Variants in TMEM132D observed in about 807,000 individuals in gnomAD.
The protein encoded by TMEM132D is mature OL transmembrane protein.
TMEM132D carries 21 observed loss-of-function variants against 62.3 expected under a neutral mutation model. The ratio of observed to expected loss-of-function variants is 0.34; its 90% CI spans 0.24 to 0.49. The LOEUF (loss-of-function observed/expected upper bound fraction) is 0.49. Among genes scored for constraint, TMEM132D ranks in the 20% least tolerant of loss-of-function variants. The probability of loss-of-function intolerance (pLI) is 0.99; values close to 1 mark genes in which losing one functional copy is unlikely to be tolerated. For missense variants in TMEM132D, 1,346 were observed against 1,402.8 expected (o/e 0.96, Z 0.65); for synonymous variants, 621 against 575.6 (o/e 1.08, Z -1.13).
At chr12:129,216,882 T>C (rs535700851) in intron 4 of TMEM132D, among the ~76,000 whole-genome samples, 7 of 152,226 alleles carry the variant, frequency 4.6e-5, no homozygotes, top group Non-Finnish European at 7.3e-5. Context: ...TCTTAACTGA[T>C]GCAACCTGAA....
At chr12:129,588,343 G>A (rs963017361) in intron 2 of TMEM132D, among the ~76,000 whole-genome samples, 23 of 152,174 alleles carry the variant, frequency 1.5e-4, no homozygotes, top group East Asian at 3.9e-4. Flanking sequence ...CTTGTGCTCC[G>A]GAATCACTCA....
chr12:129,074,281 A>G lies in TMEM132D; in HGVS notation c.2894T>C (p.Val965Ala), dbSNP rs759667527. 4 of 1,614,090 alleles carry G rather than the reference A, an allele frequency of 2.5e-6. No individual in the cohort carries two copies. Among genetic ancestry groups the G allele is most frequent in the East Asian group, 2.2e-5 (1 of 44,878 alleles). ...QEGMSHSHDW[V>A]GLSNRTELLE... Reference sequence around the variant, plus strand: ...CAGCTCTGTCCGGTTGCTTAACCCAACCCAGTCATGAGAGTGACTCATCCC... The same window carrying G: ...CAGCTCTGTCCGGTTGCTTAACCCAGCCCAGTCATGAGAGTGACTCATCCC... Residue 965 changes from valine to alanine, a missense_variant, in exon 9 of 9, where the codon GTT (valine) becomes GCT (alanine). Coordinates refer to ENST00000422113, the MANE Select transcript of TMEM132D (RefSeq NM_133448.3).
At chr12:129,815,170 TA>T (rs1872308143) in intron 1 of TMEM132D, among the ~76,000 whole-genome samples, 2 of 152,162 alleles carry the variant, frequency 1.3e-5, no homozygotes, top group South Asian at 4.1e-4. Flanking sequence ...GGGCATTTGT[TA>T]AGTCAAGGTT....
At chr12:129,358,159 T>C (rs748000655) in intron 3 of TMEM132D, among the ~76,000 whole-genome samples, 7 of 152,304 alleles carry the variant, frequency 4.6e-5, no homozygotes, top group Middle Eastern at 3.4e-3. Flanking sequence ...ACCAGAGTCA[T>C]TCTGGAAAAA....
chr12:129,438,977 T>C (rs1046904468), intron 3 of TMEM132D, among the ~76,000 whole-genome samples: 4 of 152,236 alleles, frequency 2.6e-5, no homozygotes, highest in Non-Finnish European at 5.9e-5. Context: ...CAGGATCACT[T>C]TGGCCATCTC....
At chr12:129,364,511 G>A (rs12304268) in intron 3 of TMEM132D, among the ~76,000 whole-genome samples, 6 of 152,094 alleles carry the variant, frequency 3.9e-5, no homozygotes, top group East Asian at 1.9e-4. Context: ...GACGTATAGC[G>A]TAATTTTGTA....
In TMEM132D at chr12:129,078,740, C is replaced by G. The variant is rs200432448; in HGVS notation, c.1924-15G>C. 1 of 1,608,486 alleles carries G rather than the reference C, an allele frequency of 6.2e-7. No homozygotes were observed. The highest frequency in any genetic ancestry group is 1.3e-5 in the African/African-American group (1 of 74,904). On this transcript the variant is annotated splice_polypyrimidine_tract_variant and intron_variant, in intron 7 of 8. Coordinates refer to ENST00000422113, the MANE Select transcript of TMEM132D (RefSeq NM_133448.3). ...GGAGACAGGATCTGGAGGGCAGAAG[C>G]GACATGACAAGGAAAGGCTTTCTGT...
intron 1 of TMEM132D, among the ~76,000 whole-genome samples, chr12:129,775,589 T>C (rs953984983): frequency 2.0e-5 from 3 of 152,020 alleles, no homozygotes; most frequent in African/African-American, 7.3e-5. Context: ...AACAAAGGGA[T>C]GGAAGCATCC....
At chr12:129,878,222 C>T (rs565386910) in intron 1 of TMEM132D, among the ~76,000 whole-genome samples, 15 of 152,346 alleles carry the variant, frequency 9.8e-5, no homozygotes, top group African/African-American at 3.6e-4. Flanking sequence ...CCTTAAGCTA[C>T]TCGGGCTCAA....
chr12:129,290,411 T>C (rs559541582), intron 4 of TMEM132D, among the ~76,000 whole-genome samples: 1 of 152,154 alleles, frequency 6.6e-6, no homozygotes, highest in Non-Finnish European at 1.5e-5. Context: ...CCTACACTAT[T>C]CTAATTAACA....
chr12:129,092,380 GA>G (rs1397812586), intron 5 of TMEM132D, among the ~76,000 whole-genome samples: 1 of 146,068 alleles, frequency 6.8e-6, no homozygotes, highest in Non-Finnish European at 1.5e-5. Flanking sequence ...AAACTTTGCA[GA>G]AGTAGACATC....
intron 1 of TMEM132D, among the ~76,000 whole-genome samples, chr12:129,753,115 C>A (rs1474662760): frequency 6.6e-6 from 1 of 152,192 alleles, no homozygotes; most frequent in Non-Finnish European, 1.5e-5. Flanking sequence ...CATTATCTCT[C>A]ACAAAGCTGC....
chr12:129,294,858 G>C (rs1881529421), intron 4 of TMEM132D, among the ~76,000 whole-genome samples: 1 of 152,182 alleles, frequency 6.6e-6, no homozygotes, highest in Non-Finnish European at 1.5e-5. Context: ...TCCTATGACT[G>C]TGTACTGTTT....
At chr12:129,376,914 G>A (rs1381759128) in intron 3 of TMEM132D, among the ~76,000 whole-genome samples, 1 of 152,136 alleles carries the variant, frequency 6.6e-6, no homozygotes, top group Non-Finnish European at 1.5e-5. Flanking sequence ...GAACAAATAA[G>A]GCAAGTATAC....
In TMEM132D at chr12:129,244,248, T is replaced by C. The variant is rs560434664; in HGVS notation, c.1300-34585A>G. ...AAAATACAAAAAAATTAGCCGGGTG[T>C]GGTGGCGGGCGCCTGTAGTCCCAGC... is the stretch of plus-strand genomic sequence containing the variant. On this transcript the variant is annotated intron_variant, in intron 4 of 8. Transcript: ENST00000422113. 1.1e-3 allele frequency among the ~76,000 whole-genome samples: 166 copies of C among 151,220 alleles called. 1 individual carries two copies. Among genetic ancestry groups the C allele is most frequent in the Middle Eastern group, 3.4e-3 (1 of 294 alleles).
At chr12:129,240,318 T>C (rs1052331273) in intron 4 of TMEM132D, among the ~76,000 whole-genome samples, 5 of 152,226 alleles carry the variant, frequency 3.3e-5, no homozygotes, top group Admixed American at 2.0e-4. Flanking sequence ...TATAAGTTTG[T>C]TCAATGATAG....
At chr12:129,755,028 C>T (rs757466566) in intron 1 of TMEM132D, among the ~76,000 whole-genome samples, 8 of 152,254 alleles carry the variant, frequency 5.3e-5, no homozygotes, top group Middle Eastern at 3.4e-3. Context: ...AACTCCTGTC[C>T]TTTCAATGTT....
chr12:129,890,355 C>T (rs1021759), intron 1 of TMEM132D, among the ~76,000 whole-genome samples: 102,755 of 151,950 alleles, frequency 0.68, 34,967 homozygotes, highest in Middle Eastern at 0.73. Context: ...CCGGGCCCTA[C>T]ACCATAGGTG....
intron 3 of TMEM132D, among the ~76,000 whole-genome samples, chr12:129,429,585 T>C (rs1223732059): frequency 6.7e-6 from 1 of 150,208 alleles, no homozygotes; most frequent in Non-Finnish European, 1.5e-5. Context: ...ATTCTTTCTT[T>C]TTTTTTTTTT....
Sources: gnomAD v4.1 joint callset for allele counts (sites outside exome capture counted in the v4.1 genomes callset) on GRCh38, gnomAD v4.1.1 for gene constraint, MANE v1.5 for transcripts, NCBI Gene and HGNC (gene_info 2026-07-23, HGNC 2026-07-21) for gene names.